The following NOP9 variants were observed in gnomAD, a reference collection of about 807,000 sequenced individuals.
The protein encoded by NOP9 is NOP9 nucleolar protein.
Under a neutral mutation model 63.0 loss-of-function variants are expected in NOP9, and 50 were observed. That is an observed-to-expected ratio of 0.79 (90% CI 0.63 to 1.00). The LOEUF (loss-of-function observed/expected upper bound fraction) is 1.00, where lower values mean the gene tolerates loss of function less well. Among genes scored for constraint, NOP9 ranks in the 50% least tolerant of loss-of-function variants. The pLI, the probability that NOP9 is intolerant of heterozygous loss-of-function variation, is 0.00. For missense variants in NOP9, 758 were observed against 803.0 expected (o/e 0.94, Z 0.68); for synonymous variants, 343 against 332.8 (o/e 1.03, Z -0.33).
chr14:24,274,612 C>CT, the NOP9 span, among the ~76,000 whole-genome samples: 30,103 of 141,174 alleles, frequency 0.21, 3,436 homozygotes, highest in Admixed American at 0.34. Flanking sequence ...GAGCCACAAT[C>CT]TTTTTTTTTT....
the NOP9 span, among the ~76,000 whole-genome samples, chr14:24,286,611 G>A: frequency 3.9e-4 from 59 of 149,856 alleles, no homozygotes; most frequent in African/African-American, 1.4e-3. Flanking sequence ...TATTTTTTTC[G>A]AGACGGAGTC....
At chr14:24,303,373 C>A (rs2041412480) in intron 6 of NOP9, among the ~76,000 whole-genome samples, 159 bp downstream of exon 6, 1 of 143,380 alleles carries the variant, frequency 7.0e-6, no homozygotes, top group African/African-American at 2.6e-5. Context: ...GTGCCCGCCA[C>A]CATACCCAGC....
chr14:24,304,252 G>T lies in NOP9; in HGVS notation c.1622G>T (p.Arg541Leu), dbSNP rs765031518. 1.9e-5 allele frequency: 30 copies of T among 1,613,824 alleles called. No individual in the cohort carries two copies. Among genetic ancestry groups the T allele is most frequent in the Non-Finnish European group, 2.5e-5 (29 of 1,179,940 alleles). The stretch of plus-strand genomic sequence containing the variant: ...AGCCCCTCTGTGACGCGCAAGCTGC[G>T]CCGCCGTGTGCTGCAGAACCTAAAG... ...LTSPSVTRKL[R>L]RRVLQNLKGQ... The change falls in exon 8 of 10, where the codon CGC becomes CTC. Residue 541 changes from arginine (R) to leucine (L), a missense_variant. By Grantham distance (102) the Arg-to-Leu change is moderately radical. Transcript: ENST00000267425.
upstream of NOP9, chr14:24,299,748 AG>A (rs1191334268): frequency 3.6e-5 from 21 of 577,500 alleles, no homozygotes; most frequent in Non-Finnish European, 2.9e-5. Flanking sequence ...CCCAGGCCAA[AG>A]TTAGAACCTG....
chr14:24,306,003 G>T lies in NOP9; in HGVS notation c.*908G>T, dbSNP rs367645614. 6.2e-7 allele frequency: 1 copy of T among 1,614,060 alleles called. No homozygotes were observed. Among genetic ancestry groups the T allele is most frequent in the East Asian group, 2.2e-5 (1 of 44,900 alleles). ...AGTCACAACTCATAGAGTAGAGCCC[G>T]TAGAATGTGGCTTTGACATTCAGGC... is the stretch of plus-strand genomic sequence containing the variant. On this transcript the variant is annotated 3_prime_UTR_variant, in exon 10 of 10. Coordinates refer to ENST00000267425, the MANE Select transcript of NOP9 (RefSeq NM_174913.3).
rs950306794 is a variant in NOP9, at chr14:24,305,678, C to A, written c.*583C>A. ...CCTTCTGCTGCCACTGCTCAGCCCC[C>A]TCCACTGCATGACGAAGGGTGGAGG... is the stretch of plus-strand genomic sequence containing the variant. On this transcript the variant is annotated 3_prime_UTR_variant, in exon 10 of 10. Coordinates refer to ENST00000267425, the MANE Select transcript of NOP9 (RefSeq NM_174913.3). 1 of 1,614,090 alleles carries A rather than the reference C, an allele frequency of 6.2e-7. No homozygotes were observed. Among genetic ancestry groups the A allele is most frequent in the African/African-American group, 1.3e-5 (1 of 74,924 alleles).
At chr14:24,273,128 C>T in the NOP9 span, among the ~76,000 whole-genome samples, 1 of 151,684 alleles carries the variant, frequency 6.6e-6, no homozygotes, top group South Asian at 2.1e-4. Flanking sequence ...GTCCATGTGG[C>T]ATGTGTGTGT....
the NOP9 span, chr14:24,292,201 C>A: frequency 6.2e-7 from 1 of 1,614,152 alleles, no homozygotes; most frequent in Non-Finnish European, 8.5e-7. Flanking sequence ...AACACAGGAT[C>A]CTGCAGGACC....
chr14:24,307,799 G>T lies in NOP9; in HGVS notation c.*2704G>T. 1 of 1,588,118 alleles carries T rather than the reference G, an allele frequency of 6.3e-7. No homozygotes were observed. Among genetic ancestry groups the T allele is most frequent in the Non-Finnish European group, 8.6e-7 (1 of 1,166,212 alleles). ...ATATCCCCTAAAGGTGGAGGGTAGA[G>T]CGGAGGGTTAGCAGTCACCTGAGTA... On this transcript the variant is annotated 3_prime_UTR_variant, in exon 10 of 10. Transcript: ENST00000267425.
At chr14:24,277,973 G>A in the NOP9 span, among the ~76,000 whole-genome samples, 4 of 152,262 alleles carry the variant, frequency 2.6e-5, no homozygotes, top group South Asian at 4.1e-4. Flanking sequence ...AGCAGCGCTG[G>A]GTGCCTGCCA....
the NOP9 span, among the ~76,000 whole-genome samples, chr14:24,284,803 C>CCCTGG: frequency 6.6e-6 from 1 of 152,092 alleles, no homozygotes; most frequent in Non-Finnish European, 1.5e-5. Flanking sequence ...GAAAGGGCAG[C>CCCTGG]CCTGGGCCCA....
In NOP9 at chr14:24,302,242, C is replaced by G; in HGVS notation, c.961C>G (p.Leu321Val). The G allele has an allele frequency of 1.9e-6, 3 of 1,612,038 alleles. No homozygotes were observed. Among genetic ancestry groups the G allele is most frequent in the Non-Finnish European group, 2.5e-6 (3 of 1,178,268 alleles). Residue 321 changes from leucine to valine, a missense_variant, in exon 5 of 10, where the codon CTA becomes GTA. Physicochemically the swap from Leu to Val is conservative, Grantham distance 32. Transcript: ENST00000267425. ...GSSVDGSPLL[L>V]FLRDQTSSRL... ...CCTTCTTGTCCCTAGTCCCCTACTG[C>G]TATTTCTCCGAGATCAGACGAGTTC...
upstream of NOP9, chr14:24,298,936 G>C (rs2041313441): frequency 6.3e-7 from 1 of 1,589,342 alleles, no homozygotes; most frequent in African/African-American, 1.3e-5. Context: ...CTGCAACTGT[G>C]GTCCCAGAGG....
At chr14:24,282,652 T>A in the NOP9 span, among the ~76,000 whole-genome samples, 3 of 152,182 alleles carry the variant, frequency 2.0e-5, no homozygotes, top group African/African-American at 7.2e-5. Flanking sequence ...CTCACCAATA[T>A]GGGGCATATG....
the NOP9 span, chr14:24,291,927 TG>T: frequency 1.7e-6 from 1 of 605,900 alleles, no homozygotes; most frequent in Non-Finnish European, 2.9e-6. Flanking sequence ...GCATGGTCTT[TG>T]GAGCTAGACA....
At chr14:24,293,016 C>G in the NOP9 span, 219,825 of 505,688 alleles carry the variant, frequency 0.43, 51,397 homozygotes, top group Middle Eastern at 0.54. Context: ...AGAAATGGAA[C>G]GCAAGAGCCC....
At chr14:24,292,608 C>T in the NOP9 span, 7 of 1,613,994 alleles carry the variant, frequency 4.3e-6, no homozygotes, top group African/African-American at 2.7e-5. Context: ...TAGGTAACAT[C>T]ACTGTCTTTT....
the NOP9 span, among the ~76,000 whole-genome samples, chr14:24,284,520 G>GT: frequency 6.6e-6 from 1 of 152,062 alleles, no homozygotes. Context: ...GGTGGGAGCA[G>GT]TAGGGCCCAG....
Position 24,303,158 on chromosome 14 carries a change from G to C in NOP9, c.1228G>C (p.Gly410Arg). The C allele has an allele frequency of 1.2e-6, 2 of 1,613,952 alleles. No homozygotes were observed. The highest frequency in any genetic ancestry group is 1.7e-6 in the Non-Finnish European group (2 of 1,179,956). Residue 410 changes from glycine to arginine, a missense_variant, in exon 6 of 10, where the codon GGG (glycine) becomes CGG (arginine). By Grantham distance (125) the Gly-to-Arg change is moderately radical. Transcript: ENST00000267425. ...GHPGVVIALV[G>R]ACRRVGAYQA... is the part of the protein sequence containing the mutation. Reference sequence around the variant, plus strand: ...CCCAGGGGTAGTCATTGCCCTGGTGGGGGCCTGTCGCAGAGTTGGGGCCTA... The same window carrying C: ...CCCAGGGGTAGTCATTGCCCTGGTGCGGGCCTGTCGCAGAGTTGGGGCCTA...
Sources: allele counts gnomAD v4.1 joint callset (sites outside exome capture counted in the v4.1 genomes callset), GRCh38; gene constraint gnomAD v4.1.1; transcripts MANE v1.5; gene names NCBI Gene and HGNC (gene_info 2026-07-23, HGNC 2026-07-21).